ATP6V0A4: variants seen among roughly 807,000 people sequenced by gnomAD.
The protein encoded by ATP6V0A4 is ATPase H+ transporting V0 subunit a4, also known as V-type proton ATPase 116 kDa subunit a 4.
A neutral mutation model predicts 107.3 loss-of-function variants in ATP6V0A4; 86 were observed. That is an observed-to-expected ratio of 0.80 (90% CI 0.67 to 0.96). The LOEUF (loss-of-function observed/expected upper bound fraction) is 0.96, where lower values mean the gene tolerates loss of function less well. Ranked by LOEUF, ATP6V0A4 falls within the 40% of genes least tolerant of loss-of-function variation. The probability of loss-of-function intolerance (pLI) is 0.00; values close to 1 mark genes in which losing one functional copy is unlikely to be tolerated. For synonymous variants in ATP6V0A4, 353 were observed against 381.4 expected (o/e 0.93, Z 0.87); for missense variants, 908 against 1,045.6 (o/e 0.87, Z 1.81).
At chr7:138,771,495 A>G (rs534536878) in intron 2 of ATP6V0A4, among the ~76,000 whole-genome samples, 1 of 148,920 alleles carries the variant, frequency 6.7e-6, no homozygotes, top group East Asian at 2.0e-4. Flanking sequence ...TCAACCTCCC[A>G]GGCTCAAGTA....
chr7:138,728,850 T>C lies in ATP6V0A4; in HGVS notation c.1921A>G (p.Ser641Gly). The change falls in exon 18 of 22, where the codon AGT becomes GGT. Residue 641 changes from serine (S) to glycine (G), a missense_variant. Coordinates refer to ENST00000310018, the MANE Select transcript of ATP6V0A4 (RefSeq NM_020632.3). Reference sequence around the variant, plus strand: ...ATCAAAGCCATAACCACAAAGAAACTTTGGACTTCTTGCTGCAAGACCAAA... The same window carrying C: ...ATCAAAGCCATAACCACAAAGAAACCTTGGACTTCTTGCTGCAAGACCAAA... ...PLYKHQQEVQSFFVVMALISV... is the reference protein window; with the variant it reads ...PLYKHQQEVQGFFVVMALISV... The C allele has an allele frequency of 6.2e-7, 1 of 1,614,108 alleles. No homozygotes were observed. The highest frequency in any genetic ancestry group is 1.1e-5 in the South Asian group (1 of 91,076).
intron 4 of ATP6V0A4, 71 bp downstream of exon 4, chr7:138,769,102 C>G: frequency 1.3e-6 from 2 of 1,599,396 alleles, no homozygotes; most frequent in South Asian, 1.1e-5. Flanking sequence ...TTCATTAAGT[C>G]CTGCAAACTA....
At chr7:138,713,957 G>A (rs562285720) in intron 20 of ATP6V0A4, among the ~76,000 whole-genome samples, 6 of 150,172 alleles carry the variant, frequency 4.0e-5, no homozygotes, top group South Asian at 4.2e-4. Context: ...AAAAAAGTTC[G>A]CCAAGTATGT....
Position 138,769,391 on chromosome 7 carries a change from T to C in ATP6V0A4, c.118-140A>G, listed in dbSNP as rs1807264928. The C allele has an allele frequency of 3.0e-6, 4 of 1,338,714 alleles. No individual in the cohort carries two copies. In the African/African-American group the frequency reaches 6.0e-5, roughly 20 times the overall value. 82.9% of individuals were successfully genotyped at this position (1,338,714 alleles called of 1,614,324 possible). ...GGGCAATGGCGCGATCTCAGCTCAC[T>C]GTAACCTCCACCTCCTGGGTTCAAG... On this transcript the variant is annotated intron_variant, in intron 3 of 21. Transcript: ENST00000310018.
At chr7:138,718,278 CGGTGTGTGTGTGTGTG>C (rs1804203666) in intron 19 of ATP6V0A4, among the ~76,000 whole-genome samples, 1 of 8,600 alleles carries the variant, frequency 1.2e-4, no homozygotes, top group Non-Finnish European at 1.9e-4. Flanking sequence ...GAAGGAATGG[CGGTGTGTGTGTGTGTG>C]TGTGTGTGTG....
intron 2 of ATP6V0A4, among the ~76,000 whole-genome samples, chr7:138,785,466 A>AGG (rs1200380078): frequency 7.3e-5 from 11 of 151,712 alleles, no homozygotes; most frequent in Admixed American, 7.2e-4. Context: ...TAGTGGAGAC[A>AGG]GGGTTTCACC....
intron 21 of ATP6V0A4, 82 bp downstream of exon 21, chr7:138,709,542 G>A (rs1019453455): frequency 3.2e-5 from 43 of 1,360,176 alleles, no homozygotes; most frequent in Middle Eastern, 2.5e-4. Flanking sequence ...TACAGCTCAC[G>A]ATCTGAACCC....
intron 14 of ATP6V0A4, among the ~76,000 whole-genome samples, chr7:138,742,286 G>A (rs931494614): frequency 1.3e-5 from 2 of 152,046 alleles, no homozygotes; most frequent in African/African-American, 2.4e-5. Context: ...AATTCACTGG[G>A]TGTAGTGGCA....
intron 1 of ATP6V0A4, among the ~76,000 whole-genome samples, chr7:138,786,717 G>C (rs7797066): frequency 0.58 from 87,439 of 151,678 alleles, 25,554 homozygotes; most frequent in African/African-American, 0.64. Context: ...TGGTCTCAAA[G>C]TCCTGGGCTC....
At chr7:138,769,623 G>T (rs1038697136) in intron 3 of ATP6V0A4, among the ~76,000 whole-genome samples, 1 of 152,006 alleles carries the variant, frequency 6.6e-6, no homozygotes, top group African/African-American at 2.4e-5. Context: ...CCCCCTTTTG[G>T]TCATTTTATT....
At chr7:138,777,942 A>G (rs10228652) in intron 2 of ATP6V0A4, among the ~76,000 whole-genome samples, 3,842 of 152,310 alleles carry the variant, frequency 0.025, 178 homozygotes, top group African/African-American at 0.088. Context: ...GAGCACCAAC[A>G]TGACACCACA....
intron 2 of ATP6V0A4, among the ~76,000 whole-genome samples, chr7:138,782,185 T>C (rs1807957380): frequency 1.3e-5 from 2 of 152,210 alleles, no homozygotes; most frequent in African/African-American, 4.8e-5. Flanking sequence ...GCTGGTTCCC[T>C]CTGAAGGCTG....
intron 2 of ATP6V0A4, among the ~76,000 whole-genome samples, chr7:138,774,903 A>G (rs1807588742): frequency 6.6e-6 from 1 of 152,132 alleles, no homozygotes; most frequent in Admixed American, 6.6e-5. Context: ...AGACAGAAGC[A>G]TATGTGATAT....
chr7:138,736,247 TA>T (rs1357534543), intron 15 of ATP6V0A4, among the ~76,000 whole-genome samples: 2 of 152,016 alleles, frequency 1.3e-5, no homozygotes, highest in Admixed American at 1.3e-4. Context: ...TGTCTCTAAA[TA>T]AATAAATAAA....
At chr7:138,751,651 C>A (rs1470393108) in intron 11 of ATP6V0A4, among the ~76,000 whole-genome samples, 1 of 151,874 alleles carries the variant, frequency 6.6e-6, no homozygotes, top group African/African-American at 2.4e-5. Context: ...AGCCCTAGAT[C>A]CGTTCCTAGT....
In ATP6V0A4 at chr7:138,758,739, A is replaced by ATTT. The variant is rs398006555; in HGVS notation, c.639+1010_639+1012dup. On this transcript the variant is annotated intron_variant, in intron 8 of 21. Transcript: ENST00000310018. ...CCCCACTCAGACCCACTGACTCAGA[A>ATTT]TTTTTTTTTTTTTTTTTTTTTTTTT... is the stretch of plus-strand genomic sequence containing the variant. Among the ~76,000 whole-genome samples the ATTT allele has an allele frequency of 4.6e-4, 27 of 59,200 alleles. 4 individuals are homozygous for ATTT. Among genetic ancestry groups the ATTT allele is most frequent in the East Asian group, 1.6e-3 (3 of 1,848 alleles). 38.8% of individuals were successfully genotyped at this position (59,200 alleles called of 152,430 possible). A position where few individuals can be genotyped will look rare whatever the true frequency, so the allele number is the denominator to read the frequency against.
At chr7:138,755,595 A>C in intron 10 of ATP6V0A4, 94 bp downstream of exon 10, 1 of 1,557,692 alleles carries the variant, frequency 6.4e-7, no homozygotes, top group Non-Finnish European at 8.7e-7. Flanking sequence ...CCAGCCTCCC[A>C]GCAAGGGCCC....
chr7:138,747,637 C>T (rs1806022690), intron 12 of ATP6V0A4, 73 bp from the exon 13 acceptor site: 1 of 1,588,106 alleles, frequency 6.3e-7, no homozygotes, highest in South Asian at 1.1e-5. Flanking sequence ...TTCCCTGCCA[C>T]AGCTCCACGA....
At chr7:138,706,861 G>GGTGC in intron 21 of ATP6V0A4, 144 bp from the exon 22 acceptor site, 1 of 1,305,784 alleles carries the variant, frequency 7.7e-7, no homozygotes, top group Non-Finnish European at 1.0e-6. Context: ...AGGCACCCAG[G>GGTGC]CTGATGGCTG....
Sources: gnomAD v4.1 joint callset for allele counts (sites outside exome capture counted in the v4.1 genomes callset) on GRCh38, gnomAD v4.1.1 for gene constraint, MANE v1.5 for transcripts, NCBI Gene and HGNC (gene_info 2026-07-23, HGNC 2026-07-21) for gene names.